The following MAST2 variants were observed in gnomAD, a reference collection of about 807,000 sequenced individuals.
The protein encoded by MAST2 is microtubule-associated serine/threonine-protein kinase 2.
Under a neutral mutation model 147.4 loss-of-function variants are expected in MAST2, and 70 were observed. That is an observed-to-expected ratio of 0.47 (90% CI 0.39 to 0.58). The LOEUF (loss-of-function observed/expected upper bound fraction) is 0.58. Among genes scored for constraint, MAST2 ranks in the 20% least tolerant of loss-of-function variants. MAST2 has a pLI of 0.00. For missense variants in MAST2, 2,080 were observed against 2,302.3 expected (o/e 0.90, Z 1.98); for synonymous variants, 869 against 896.8 (o/e 0.97, Z 0.55).
intron 4 of MAST2, among the ~76,000 whole-genome samples, chr1:45,941,713 G>A (rs991300966): frequency 6.6e-6 from 1 of 150,750 alleles, no homozygotes; most frequent in Admixed American, 6.6e-5. Flanking sequence ...TATTGCACTG[G>A]CTAGAACCTC....
intron 3 of MAST2, among the ~76,000 whole-genome samples, chr1:45,832,373 T>C (rs1185121152): frequency 6.6e-6 from 1 of 151,716 alleles, no homozygotes; most frequent in Non-Finnish European, 1.5e-5. Flanking sequence ...TGATCTTAGC[T>C]CACTGCACCC....
At chr1:45,804,411 A>T (rs1184895565) in intron 1 of MAST2, among the ~76,000 whole-genome samples, 5 of 152,164 alleles carry the variant, frequency 3.3e-5, no homozygotes, top group African/African-American at 1.2e-4. Context: ...CCATAGGAGT[A>T]AATAGAGTAA....
intron 3 of MAST2, among the ~76,000 whole-genome samples, chr1:45,854,336 CAA>C (rs61252218): frequency 0.039 from 5,012 of 128,710 alleles, 178 homozygotes; most frequent in East Asian, 0.21. Context: ...CCCTCTGTCT[CAA>C]AAAAAAAAAA....
chr1:46,019,484 G>GCT, intron 10 of MAST2, 112 bp from the exon 11 acceptor site: 1 of 777,026 alleles, frequency 1.3e-6, no homozygotes, highest in Non-Finnish European at 2.1e-6. Context: ...GCTTTGCGGA[G>GCT]CTCTCTATGC....
intron 4 of MAST2, among the ~76,000 whole-genome samples, chr1:45,922,420 G>C (rs1653660854): frequency 6.6e-6 from 1 of 152,156 alleles, no homozygotes; most frequent in African/African-American, 2.4e-5. Context: ...GGCCAGCACT[G>C]GGCTGTCCTC....
intron 3 of MAST2, among the ~76,000 whole-genome samples, chr1:45,878,127 C>A (rs1178464791): frequency 1.3e-5 from 2 of 150,406 alleles, no homozygotes; most frequent in Non-Finnish European, 2.9e-5. Context: ...TCACTTGAAC[C>A]TGGGAGGCAG....
intron 3 of MAST2, among the ~76,000 whole-genome samples, chr1:45,880,638 T>C (rs1366594681): frequency 6.6e-6 from 1 of 152,118 alleles, no homozygotes; most frequent in Non-Finnish European, 1.5e-5. Context: ...AAAAATAATT[T>C]TATAAAATAA....
intron 3 of MAST2, among the ~76,000 whole-genome samples, chr1:45,878,253 G>A (rs1451897855): frequency 6.7e-6 from 1 of 148,700 alleles, no homozygotes; most frequent in Non-Finnish European, 1.5e-5. Flanking sequence ...TGCAAAATTA[G>A]TTTAATCTTA....
chr1:45,913,787 A>G, intron 4 of MAST2: 1 of 1,129,512 alleles, frequency 8.9e-7, no homozygotes. Context: ...AGAACTTCCT[A>G]CCAAGACTCC....
rs547014896 is a variant in MAST2 at position 45,940,118 on chromosome 1, G to A, written c.501-19268G>A. Among the ~76,000 whole-genome samples the A allele has an allele frequency of 1.3e-4, 19 of 150,668 alleles. No homozygotes were observed. The South Asian group carries it at 3.4e-3, about 27-fold the overall frequency. On this transcript the variant is annotated intron_variant, in intron 4 of 28. Transcript: ENST00000361297. ...AGTGATTCTCCTGCCTGAGCCTCCC[G>A]AGTAGCTGGGATTATAGGTGCCCAC...
intron 3 of MAST2, among the ~76,000 whole-genome samples, chr1:45,841,422 C>T (rs914953334): frequency 2.0e-5 from 3 of 150,300 alleles, no homozygotes; most frequent in African/African-American, 4.9e-5. Flanking sequence ...TATTTCTTAC[C>T]GTATAAAGAA....
At chr1:45,981,452 A>G (rs1644403717) in intron 5 of MAST2, among the ~76,000 whole-genome samples, 1 of 151,966 alleles carries the variant, frequency 6.6e-6, no homozygotes, top group Non-Finnish European at 1.5e-5. Context: ...GTCAGGGATG[A>G]TGTTATCTAT....
intron 4 of MAST2, among the ~76,000 whole-genome samples, chr1:45,949,847 A>C (rs920500519): frequency 1.3e-5 from 2 of 152,216 alleles, no homozygotes; most frequent in Non-Finnish European, 2.9e-5. Flanking sequence ...GATGGGATAA[A>C]GAAAATGTGG....
rs544777082 is a variant in MAST2, at chr1:45,927,337, G to A, written c.501-32049G>A. Among the ~76,000 whole-genome samples the A allele has an allele frequency of 4.6e-5, 7 of 152,122 alleles. No homozygotes were observed. In the South Asian group the frequency reaches 1.2e-3, roughly 27 times the overall value. ...CCGGTCTGACCACAATTTATTAGGCGGGAATTTCCTCTTCCTAATAAGCCT... is the reference window on the plus strand; with the variant it reads ...CCGGTCTGACCACAATTTATTAGGCAGGAATTTCCTCTTCCTAATAAGCCT... On this transcript the variant is annotated intron_variant, in intron 4 of 28. Coordinates refer to ENST00000361297, the MANE Select transcript of MAST2 (RefSeq NM_015112.3).
chr1:45,820,710 TA>T, intron 1 of MAST2, among the ~76,000 whole-genome samples: 1 of 152,132 alleles, frequency 6.6e-6, no homozygotes, highest in South Asian at 2.1e-4. Context: ...CTTTATTTTT[TA>T]TTTTTTGGAT....
At chr1:45,845,497 T>A (rs1162142701) in intron 3 of MAST2, among the ~76,000 whole-genome samples, 2 of 152,210 alleles carry the variant, frequency 1.3e-5, no homozygotes, top group East Asian at 3.8e-4. Context: ...TACACCTGCA[T>A]TGTGCTCTTT....
At chr1:45,847,356 T>C in intron 3 of MAST2, 1 of 499,472 alleles carries the variant, frequency 2.0e-6, no homozygotes, top group South Asian at 1.6e-5. Flanking sequence ...GCTAAATCAA[T>C]TTAATTTAAG....
intron 1 of MAST2, among the ~76,000 whole-genome samples, chr1:45,812,678 G>A (rs1644339983): frequency 6.6e-6 from 1 of 152,092 alleles, no homozygotes; most frequent in Admixed American, 6.5e-5. Context: ...GTCCACCTCG[G>A]CCTCCCAAAG....
intron 5 of MAST2, among the ~76,000 whole-genome samples, chr1:45,977,360 C>T (rs988704992): frequency 7.3e-5 from 11 of 151,384 alleles, no homozygotes; most frequent in Admixed American, 4.0e-4. Context: ...TGCTGGCGGG[C>T]GCCTATAATC....
Sources: gnomAD v4.1 joint callset for allele counts (sites outside exome capture counted in the v4.1 genomes callset) on GRCh38, gnomAD v4.1.1 for gene constraint, MANE v1.5 for transcripts, NCBI Gene and HGNC (gene_info 2026-07-23, HGNC 2026-07-21) for gene names.